Variants in RNF217 observed in about 807,000 individuals in gnomAD.
RNF217 encodes ring finger protein 217.
RNF217 carries 31 observed loss-of-function variants against 57.8 expected under a neutral mutation model. That is an observed-to-expected ratio of 0.54 (90% CI 0.40 to 0.72). The LOEUF (loss-of-function observed/expected upper bound fraction) is 0.72, where lower values mean the gene tolerates loss of function less well. Among genes scored for constraint, RNF217 ranks in the 30% least tolerant of loss-of-function variants. The probability of loss-of-function intolerance (pLI) is 0.00; values close to 1 mark genes in which losing one functional copy is unlikely to be tolerated. For missense variants in RNF217, 696 were observed against 708.3 expected, an observed-to-expected ratio of 0.98 and a Z score of 0.20; for synonymous variants, 313 against 294.0, an observed-to-expected ratio of 1.06 and a Z score of -0.66.
chr6:124,988,033 C>T (rs1030655143), intron 1 of RNF217, among the ~76,000 whole-genome samples: 1 of 152,090 alleles, frequency 6.6e-6, no homozygotes, highest in Admixed American at 6.6e-5. Context: ...AGATAATGCT[C>T]GGGTGAGCGA....
chr6:125,023,222 G>A (rs1366107716), intron 1 of RNF217, among the ~76,000 whole-genome samples: 2 of 152,146 alleles, frequency 1.3e-5, no homozygotes, highest in Non-Finnish European at 2.9e-5. Flanking sequence ...AAAAATATGT[G>A]TAAAGTATGT....
intron 4 of RNF217, among the ~76,000 whole-genome samples, chr6:125,080,578 C>T (rs1321070478): frequency 6.6e-6 from 1 of 151,850 alleles, no homozygotes; most frequent in East Asian, 1.9e-4. Flanking sequence ...GTTGTGCGGC[C>T]CTGAAGCTGT....
chr6:125,088,451 G>A lies in RNF217; in HGVS notation c.*5514G>A, dbSNP rs1788837088. ...TAATTGTAAGGCTGTAACTTTGGTT[G>A]ACTTCATCCAAATCCAAGAAACAGA... On this transcript the variant is annotated 3_prime_UTR_variant, in exon 6 of 6. Transcript: ENST00000521654. 1 of 152,108 alleles carries A rather than the reference G, an allele frequency of 6.6e-6. No homozygotes were observed. Among genetic ancestry groups the A allele is most frequent in the Admixed American group, 6.6e-5 (1 of 15,250 alleles). 9.4% of individuals were successfully genotyped at this position (152,108 alleles called of 1,614,324 possible). A position where few individuals can be genotyped will look rare whatever the true frequency, so the allele number is the denominator to read the frequency against.
Position 125,017,100 on chromosome 6 carries a change from G to T in RNF217, c.883-28111G>T, listed in dbSNP as rs562432327. Among the ~76,000 whole-genome samples, 4 of 152,112 alleles carry T rather than the reference G, an allele frequency of 2.6e-5. No homozygotes were observed. In the East Asian group the frequency reaches 7.7e-4, roughly 29 times the overall value. On this transcript the variant is annotated intron_variant, in intron 1 of 5. Transcript: ENST00000521654. The stretch of plus-strand genomic sequence containing the variant: ...TTGCTGCAGTAAATCGTAGCTGTGA[G>T]TACAACTTAAAATTTTTAAAAAGAC...
At chr6:125,046,040 G>A (rs1303435063) in intron 2 of RNF217, among the ~76,000 whole-genome samples, 2 of 152,060 alleles carry the variant, frequency 1.3e-5, no homozygotes, top group African/African-American at 2.4e-5. Context: ...AGTGTGCTTT[G>A]AGGACACTTG....
chr6:125,025,848 G>A (rs1786061143), intron 1 of RNF217, among the ~76,000 whole-genome samples: 4 of 152,176 alleles, frequency 2.6e-5, no homozygotes, highest in Non-Finnish European at 5.9e-5. Flanking sequence ...AGTTGAAGGT[G>A]TTCTCAGCTG....
intron 1 of RNF217, among the ~76,000 whole-genome samples, chr6:125,028,237 C>G (rs1786193512): frequency 6.6e-6 from 1 of 151,916 alleles, no homozygotes; most frequent in Non-Finnish European, 1.5e-5. Flanking sequence ...GTTCAGTACC[C>G]CTTTAAATAT....
At chr6:125,054,576 C>A (rs1167709975) in intron 2 of RNF217, among the ~76,000 whole-genome samples, 2 of 152,156 alleles carry the variant, frequency 1.3e-5, no homozygotes, top group Non-Finnish European at 2.9e-5. Flanking sequence ...TCTATCTTGG[C>A]TAATTTCCAT....
chr6:125,004,097 G>A (rs182853369), intron 1 of RNF217, among the ~76,000 whole-genome samples: 1 of 152,184 alleles, frequency 6.6e-6, no homozygotes. Flanking sequence ...ATCAAATAAG[G>A]TTGCCTTTCT....
chr6:124,968,509 T>C (rs905841330), intron 1 of RNF217, among the ~76,000 whole-genome samples: 1 of 152,234 alleles, frequency 6.6e-6, no homozygotes, highest in Non-Finnish European at 1.5e-5. Flanking sequence ...GCATTTGATT[T>C]CTCTAGAGGA....
At chr6:125,081,393 T>C (rs759752023) in intron 4 of RNF217, 43 bp from the exon 5 acceptor site, 3 of 1,429,256 alleles carry the variant, frequency 2.1e-6, no homozygotes, top group Non-Finnish European at 2.9e-6. Context: ...TTTGGTAGGT[T>C]AGTTTTAAGA....
chr6:124,963,334 C>T lies in RNF217; in HGVS notation c.790C>T (p.Arg264Trp). The T allele has an allele frequency of 6.5e-7, 1 of 1,534,708 alleles. No individual in the cohort carries two copies. Residue 264 changes from arginine to tryptophan, a missense_variant, in exon 1 of 6, where the codon CGG becomes TGG. By Grantham distance (101) the Arg-to-Trp change is moderately radical. Coordinates refer to ENST00000521654, the MANE Select transcript of RNF217 (RefSeq NM_001286398.3). ...PYVPLMVLMC[R>W]VCLEDKPIKP... ...TGTGCCCCTCATGGTGCTGATGTGC[C>T]GGGTGTGCCTGGAAGACAAGCCCAT...
At chr6:125,001,549 T>C (rs1784984512) in intron 1 of RNF217, among the ~76,000 whole-genome samples, 1 of 152,218 alleles carries the variant, frequency 6.6e-6, no homozygotes, top group African/African-American at 2.4e-5. Flanking sequence ...AACTTATTCC[T>C]GATAATTCCT....
At chr6:125,011,612 A>G (rs147123582) in intron 1 of RNF217, among the ~76,000 whole-genome samples, 1 of 152,318 alleles carries the variant, frequency 6.6e-6, no homozygotes, top group East Asian at 1.9e-4. Context: ...TACTGACATT[A>G]GTGTAGATAC....
intron 1 of RNF217, among the ~76,000 whole-genome samples, chr6:124,975,892 T>C (rs180959652): frequency 7.7e-4 from 117 of 152,318 alleles, no homozygotes; most frequent in Middle Eastern, 3.4e-3. Context: ...GTTTTAATTT[T>C]CCTGTTATCA....
At chr6:125,021,892 C>G (rs1785856419) in intron 1 of RNF217, among the ~76,000 whole-genome samples, 1 of 151,694 alleles carries the variant, frequency 6.6e-6, no homozygotes, top group South Asian at 2.1e-4. Flanking sequence ...GCCTTCCCCC[C>G]TTTTTTTGAG....
chr6:125,058,938 T>A (rs1035064411), intron 3 of RNF217, among the ~76,000 whole-genome samples: 11 of 152,206 alleles, frequency 7.2e-5, no homozygotes, highest in African/African-American at 2.7e-4. Flanking sequence ...GGCCTAATTA[T>A]CTTTTAAGCA....
chr6:125,024,844 A>T (rs1384556411), intron 1 of RNF217, among the ~76,000 whole-genome samples: 4 of 152,160 alleles, frequency 2.6e-5, no homozygotes, highest in Non-Finnish European at 5.9e-5. Flanking sequence ...TTAAACGTAG[A>T]TATCAGAAGC....
intron 2 of RNF217, among the ~76,000 whole-genome samples, chr6:125,049,602 A>G (rs1787230233): frequency 6.6e-6 from 1 of 151,896 alleles, no homozygotes; most frequent in Non-Finnish European, 1.5e-5. Context: ...GGATAGTAAT[A>G]GTACCTATGT....
Sources: gnomAD v4.1 joint callset for allele counts (sites outside exome capture counted in the v4.1 genomes callset) on GRCh38, gnomAD v4.1.1 for gene constraint, MANE v1.5 for transcripts, NCBI Gene and HGNC (gene_info 2026-07-23, HGNC 2026-07-21) for gene names.